The following GTF2A1L variants were observed in gnomAD, a reference collection of about 807,000 sequenced individuals.
The protein encoded by GTF2A1L is TFIIA-alpha and beta-like factor.
A neutral mutation model predicts 49.7 loss-of-function variants in GTF2A1L; 48 were observed. The ratio of observed to expected loss-of-function variants is 0.97; its 90% CI spans 0.77 to 1.23. The LOEUF is 1.23. Among genes scored for constraint, GTF2A1L ranks in the 50% most tolerant of loss-of-function variants. GTF2A1L has a pLI of 0.00. For synonymous variants in GTF2A1L, 246 were observed against 193.5 expected, an observed-to-expected ratio of 1.27 and a Z score of -2.25; for missense variants, 736 against 564.8, an observed-to-expected ratio of 1.30 and a Z score of -3.07.
At chr2:48,670,985 C>A (rs945709584) in intron 7 of GTF2A1L, among the ~76,000 whole-genome samples, 2 of 151,888 alleles carry the variant, frequency 1.3e-5, no homozygotes, top group Non-Finnish European at 2.9e-5. Context: ...CCATGCCCAG[C>A]TAATATTTAT....
At chr2:48,662,930 G>C (rs1572761310) in intron 6 of GTF2A1L, among the ~76,000 whole-genome samples, 1 of 151,954 alleles carries the variant, frequency 6.6e-6, no homozygotes, top group East Asian at 1.9e-4. Flanking sequence ...GTAGGAGGAG[G>C]GAGACGATCA....
intron 6 of GTF2A1L, among the ~76,000 whole-genome samples, chr2:48,652,311 G>A (rs991553260): frequency 6.6e-6 from 1 of 152,018 alleles, no homozygotes; most frequent in Non-Finnish European, 1.5e-5. Flanking sequence ...TTCAGTACTT[G>A]TTGCTATTAA....
intron 6 of GTF2A1L, among the ~76,000 whole-genome samples, chr2:48,652,591 G>C (rs1178153607): frequency 6.6e-6 from 1 of 151,264 alleles, no homozygotes; most frequent in Non-Finnish European, 1.5e-5. Context: ...CTCCAGCCTG[G>C]GCAACAGAGC....
chr2:48,657,008 C>T (rs1388974537), intron 6 of GTF2A1L, among the ~76,000 whole-genome samples: 18 of 152,080 alleles, frequency 1.2e-4, no homozygotes, highest in Non-Finnish European at 2.1e-4. Flanking sequence ...TTTTATGTAA[C>T]GGTTTGTTGC....
At chr2:48,654,472 C>T (rs11678398) in intron 6 of GTF2A1L, among the ~76,000 whole-genome samples, 25,708 of 151,876 alleles carry the variant, frequency 0.17, 2,542 homozygotes, top group South Asian at 0.24. Flanking sequence ...GATCTCAGCT[C>T]ACTGGGTTCA....
intron 3 of GTF2A1L, among the ~76,000 whole-genome samples, chr2:48,633,624 G>A (rs1676709752): frequency 6.6e-6 from 1 of 152,228 alleles, no homozygotes; most frequent in Non-Finnish European, 1.5e-5. Context: ...TGGCCAATGG[G>A]TGGAGTATTC....
At chr2:48,662,636 A>G (rs1239389938) in intron 6 of GTF2A1L, among the ~76,000 whole-genome samples, 1 of 150,500 alleles carries the variant, frequency 6.6e-6, no homozygotes, top group Non-Finnish European at 1.5e-5. Context: ...TGCCAGATAC[A>G]GAAATCTTGG....
At position 48,675,736 on chromosome 2, in the gene GTF2A1L, GT is replaced by G. The variant is rs539021685; in HGVS notation, c.1330-3596del. On this transcript the variant is annotated intron_variant, in intron 8 of 8. Transcript: ENST00000403751. ...GAATATCCTATATCTTCGTTTGACA[GT>G]TTAGCAGACTTGCTTATAGCTGACT... Among the ~76,000 whole-genome samples, 317 of 152,050 alleles carry G rather than the reference GT, an allele frequency of 2.1e-3. 1 individual carries two copies. Among genetic ancestry groups the G allele is most frequent in the African/African-American group, 7.4e-3 (307 of 41,528 alleles).
chr2:48,646,755 G>A lies in GTF2A1L; in HGVS notation c.691G>A (p.Ala231Thr). 1 of 1,614,164 alleles carries A rather than the reference G, an allele frequency of 6.2e-7. No individual in the cohort carries two copies. Among genetic ancestry groups the A allele is most frequent in the Non-Finnish European group, 8.5e-7 (1 of 1,180,038 alleles). ...PGNEHKIVPE[A>T]LLCHQESSHY... ...AAATGAGCATAAAATCGTGCCTGAAGCTTTGTTGTGTCATCAGGAAAGTTC... is the reference window on the plus strand; with the variant it reads ...AAATGAGCATAAAATCGTGCCTGAAACTTTGTTGTGTCATCAGGAAAGTTC... Residue 231 changes from alanine to threonine, a missense_variant, in exon 6 of 9, where the codon GCT becomes ACT. Ala to Thr is a moderately conservative substitution (Grantham distance 58). Coordinates refer to ENST00000403751, the MANE Select transcript of GTF2A1L (RefSeq NM_006872.5).
intron 3 of GTF2A1L, among the ~76,000 whole-genome samples, chr2:48,623,019 A>G (rs1676095185): frequency 6.6e-6 from 1 of 152,190 alleles, no homozygotes; most frequent in South Asian, 2.1e-4. Context: ...AATAATAGAA[A>G]TAATTACATT....
chr2:48,628,526 G>A (rs977402724), intron 3 of GTF2A1L, among the ~76,000 whole-genome samples: 2 of 144,142 alleles, frequency 1.4e-5, no homozygotes. Flanking sequence ...CTTTTGAGAA[G>A]CATCTGTACA....
intron 5 of GTF2A1L, among the ~76,000 whole-genome samples, chr2:48,645,632 C>G (rs1232815919): frequency 6.6e-6 from 1 of 152,150 alleles, no homozygotes; most frequent in Non-Finnish European, 1.5e-5. Context: ...AAGTAAAGCA[C>G]CTAACTCAAC....
In GTF2A1L at chr2:48,646,792, G is replaced by A. The variant is rs1677537326; in HGVS notation, c.728G>A (p.Ser243Asn). 6.2e-7 allele frequency: 1 copy of A among 1,614,168 alleles called. No homozygotes were observed. The highest frequency in any genetic ancestry group is 8.5e-7 in the Non-Finnish European group (1 of 1,180,022). ...CATCAGGAAAGTTCTCACTATATCA[G>A]TCTTCCAGGTGTTGTATTTTCTCCA... ...LCHQESSHYI[S>N]LPGVVFSPQV... is the part of the protein sequence containing the mutation. Residue 243 changes from serine to asparagine, a missense_variant, in exon 6 of 9, where the codon AGT becomes AAT. By Grantham distance (46) the Ser-to-Asn change is conservative (BLOSUM62 1). Coordinates refer to ENST00000403751, the MANE Select transcript of GTF2A1L (RefSeq NM_006872.5).
chr2:48,671,449 C>A, intron 7 of GTF2A1L, 142 bp from the exon 8 acceptor site: 2 of 706,110 alleles, frequency 2.8e-6, no homozygotes, highest in Non-Finnish European at 4.4e-6. Flanking sequence ...AGCAATCTGC[C>A]TGCCTAGGCC....
At chr2:48,658,640 G>A (rs1678311600) in intron 6 of GTF2A1L, among the ~76,000 whole-genome samples, 1 of 151,828 alleles carries the variant, frequency 6.6e-6, no homozygotes, top group Admixed American at 6.6e-5. Flanking sequence ...TTTTTGGCTG[G>A]TAAGTTTTTT....
intron 5 of GTF2A1L, 53 bp downstream of exon 5, chr2:48,645,170 G>C: frequency 6.6e-7 from 1 of 1,505,372 alleles, no homozygotes; most frequent in Non-Finnish European, 9.0e-7. Context: ...ACTATTTTTT[G>C]GACATTAAGC....
chr2:48,679,480 G>T lies in GTF2A1L; in HGVS notation c.*38G>T. On this transcript the variant is annotated 3_prime_UTR_variant, in exon 9 of 9. Coordinates refer to ENST00000403751, the MANE Select transcript of GTF2A1L (RefSeq NM_006872.5). The stretch of plus-strand genomic sequence containing the variant: ...CAGTACATCTATTTTGTGAACATCA[G>T]TTGGATTATATTGCATATTGTGAAT... The T allele has an allele frequency of 1.2e-6, 2 of 1,609,772 alleles. No homozygotes were observed. Among genetic ancestry groups the T allele is most frequent in the Non-Finnish European group, 1.7e-6 (2 of 1,177,990 alleles).
chr2:48,665,853 T>C (rs1026230185), intron 6 of GTF2A1L, among the ~76,000 whole-genome samples: 1 of 152,166 alleles, frequency 6.6e-6, no homozygotes, highest in Non-Finnish European at 1.5e-5. Flanking sequence ...TTTCCATATC[T>C]TTACTGAATT....
At chr2:48,641,835 G>T (rs991649011) in intron 3 of GTF2A1L, among the ~76,000 whole-genome samples, 16 of 152,100 alleles carry the variant, frequency 1.1e-4, no homozygotes, top group South Asian at 8.3e-4. Flanking sequence ...TCATTCTGGG[G>T]ATTTGTTTTC....
Sources: allele counts gnomAD v4.1 joint callset (sites outside exome capture counted in the v4.1 genomes callset), GRCh38; gene constraint gnomAD v4.1.1; transcripts MANE v1.5; gene names NCBI Gene and HGNC (gene_info 2026-07-23, HGNC 2026-07-21).